Variants in MYT1L observed in about 807,000 individuals in gnomAD.
The protein encoded by MYT1L is myelin transcription factor 1-like protein.
MYT1L carries 12 observed loss-of-function variants against 126.7 expected under a neutral mutation model. The observed-to-expected ratio is 0.09, with a 90% CI of 0.06 to 0.15. MYT1L has a LOEUF of 0.15. Ranked by LOEUF, MYT1L falls within the 10% of genes least tolerant of loss-of-function variation. The probability of loss-of-function intolerance (pLI) is 1.00; values close to 1 mark genes in which losing one functional copy is unlikely to be tolerated. For missense variants in MYT1L, 979 were observed against 1,585.2 expected (o/e 0.62, Z 6.49); for synonymous variants, 541 against 604.2 (o/e 0.90, Z 1.53).
chr2:1,856,336 G>C (rs570285294), intron 18 of MYT1L, among the ~76,000 whole-genome samples: 1 of 152,164 alleles, frequency 6.6e-6, no homozygotes, highest in East Asian at 1.9e-4. Context: ...GTAAGAAGCG[G>C]CATTGACCAC....
chr2:2,196,015 A>G (rs1397332011), intron 2 of MYT1L, among the ~76,000 whole-genome samples: 1 of 152,186 alleles, frequency 6.6e-6, no homozygotes, highest in Non-Finnish European at 1.5e-5. Flanking sequence ...TTCAAACATG[A>G]TGAAAGGCAT....
At chr2:2,041,601 G>A in intron 4 of MYT1L, among the ~76,000 whole-genome samples, 1 of 152,156 alleles carries the variant, frequency 6.6e-6, no homozygotes, top group Non-Finnish European at 1.5e-5. Context: ...GTGTTTGGAG[G>A]TATCTCCCTC....
At chr2:2,027,253 CT>C (rs1331361198) in intron 4 of MYT1L, among the ~76,000 whole-genome samples, 1 of 152,146 alleles carries the variant, frequency 6.6e-6, no homozygotes, top group Non-Finnish European at 1.5e-5. Context: ...GCAGAGCACC[CT>C]CCCGGCTGGT....
intron 8 of MYT1L, among the ~76,000 whole-genome samples, chr2:1,968,121 C>G (rs1179368628): frequency 6.6e-6 from 1 of 152,140 alleles, no homozygotes; most frequent in Non-Finnish European, 1.5e-5. Context: ...CCCCAGGGCC[C>G]GCAGCTGGGC....
chr2:2,184,750 C>G (rs1473918745), intron 2 of MYT1L, among the ~76,000 whole-genome samples: 1 of 152,172 alleles, frequency 6.6e-6, no homozygotes, highest in East Asian at 1.9e-4. Flanking sequence ...AAGCTCTGTT[C>G]TCTTCCTGTG....
chr2:2,241,538 C>T lies in MYT1L; in HGVS notation c.-421+42866G>A, dbSNP rs533394377. ...GAGGCCACATGTTGCACTCCAGCCA[C>T]GTTGCTTTTATTTATAGGAACACAT... On this transcript the variant is annotated intron_variant, in intron 2 of 24. Transcript: ENST00000647738. Among the ~76,000 whole-genome samples the T allele has an allele frequency of 1.4e-4, 21 of 152,310 alleles. 1 individual carries two copies. In the South Asian group the frequency reaches 1.9e-3, roughly 14 times the overall value.
chr2:2,284,183 A>G (rs770333685), intron 2 of MYT1L, among the ~76,000 whole-genome samples: 1 of 152,216 alleles, frequency 6.6e-6, no homozygotes, highest in Non-Finnish European at 1.5e-5. Flanking sequence ...GATATAAGAA[A>G]AAGTCATAGT....
intron 4 of MYT1L, among the ~76,000 whole-genome samples, chr2:2,047,269 G>T (rs868686869): frequency 5.3e-5 from 8 of 152,064 alleles, no homozygotes; most frequent in Middle Eastern, 3.4e-3. Context: ...ATTTCACTTG[G>T]CCATATTCTA....
chr2:2,319,877 C>G lies in MYT1L; in HGVS notation c.-521+11090G>C, dbSNP rs144012298. 9.3e-4 allele frequency among the ~76,000 whole-genome samples: 142 copies of G among 152,030 alleles called. 1 individual carries two copies. Among genetic ancestry groups the G allele is most frequent in the African/African-American group, 3.3e-3 (137 of 41,448 alleles). ...CATTTGGCTCTGCACATAGTAGGTA[C>G]TCAATATATGCACATTGTATTAATT... is the stretch of plus-strand genomic sequence containing the variant. On this transcript the variant is annotated intron_variant, in intron 1 of 24. Transcript: ENST00000647738.
chr2:1,995,339 A>T (rs2061746646), intron 5 of MYT1L, among the ~76,000 whole-genome samples: 1 of 152,138 alleles, frequency 6.6e-6, no homozygotes, highest in Non-Finnish European at 1.5e-5. Context: ...AGTTCACTAG[A>T]CTGTCGTCCT....
At chr2:2,293,657 G>A (rs1197931613) in intron 1 of MYT1L, among the ~76,000 whole-genome samples, 3 of 152,314 alleles carry the variant, frequency 2.0e-5, no homozygotes, top group South Asian at 2.1e-4. Context: ...CCTTAGGTGC[G>A]CAGGGCCAAA....
intron 18 of MYT1L, 182 bp downstream of exon 18, chr2:1,886,357 T>C (rs1366723337): frequency 1.1e-5 from 5 of 436,372 alleles, no homozygotes; most frequent in South Asian, 6.1e-5. Flanking sequence ...AAAGGCAGAA[T>C]GGGTTGTGTG....
intron 3 of MYT1L, among the ~76,000 whole-genome samples, chr2:2,163,521 C>T (rs1015428989): frequency 6.0e-5 from 9 of 151,236 alleles, no homozygotes; most frequent in Non-Finnish European, 8.8e-5. Flanking sequence ...GTCAGGAGAT[C>T]GAGACCATCC....
chr2:1,955,950 A>G (rs1372527046), intron 8 of MYT1L, among the ~76,000 whole-genome samples: 1 of 152,222 alleles, frequency 6.6e-6, no homozygotes, highest in Non-Finnish European at 1.5e-5. Flanking sequence ...CTTAGGTTGT[A>G]TATTTAATAG....
rs1261779112 is a variant in MYT1L at position 1,917,157 on chromosome 2, G to C, written c.1618+48C>G. On this transcript the variant is annotated intron_variant, in intron 11 of 24. Transcript: ENST00000647738. The surrounding 1 kb of genome is among the most constrained non-coding windows in gnomAD (Gnocchi z 5.9). Reference sequence around the variant, plus strand: ...AGGTAAGAGGGATGACAGAGACAGAGTCATGGGTGTTTGCACCCCCAAGGG... The same window carrying C: ...AGGTAAGAGGGATGACAGAGACAGACTCATGGGTGTTTGCACCCCCAAGGG... The C allele has an allele frequency of 1.3e-6, 2 of 1,588,978 alleles. No homozygotes were observed. Among genetic ancestry groups the C allele is most frequent in the Admixed American group, 3.4e-5 (2 of 59,050 alleles).
Position 2,011,153 on chromosome 2 carries a change from C to T in MYT1L, c.-157-13806G>A, listed in dbSNP as rs575706081. 3.3e-5 allele frequency among the ~76,000 whole-genome samples: 5 copies of T among 152,238 alleles called. No homozygotes were observed. In the East Asian group the frequency reaches 9.7e-4, roughly 29 times the overall value. On this transcript the variant is annotated intron_variant, in intron 4 of 24. Transcript: ENST00000647738. ...CCTGTCATCCCAGCACTTTGGGATG[C>T]CAAGGCGGGTGGATCACTTGAGGTC...
chr2:1,821,257 G>A (rs765236025), intron 21 of MYT1L, among the ~76,000 whole-genome samples: 5 of 151,892 alleles, frequency 3.3e-5, no homozygotes, highest in Non-Finnish European at 5.9e-5. Flanking sequence ...CTCTACTCTC[G>A]CTACTTCTTC....
chr2:2,089,918 C>A (rs1483035370), intron 3 of MYT1L, among the ~76,000 whole-genome samples: 1 of 152,184 alleles, frequency 6.6e-6, no homozygotes, highest in African/African-American at 2.4e-5. Context: ...TCCCTGTGAA[C>A]ATAAGTGAGA....
At chr2:2,039,014 G>A (rs1258751626) in intron 4 of MYT1L, among the ~76,000 whole-genome samples, 1 of 152,144 alleles carries the variant, frequency 6.6e-6, no homozygotes, top group East Asian at 1.9e-4. Context: ...TGCCGATGAG[G>A]CACTGTCACC....
Sources: allele counts gnomAD v4.1 joint callset (sites outside exome capture counted in the v4.1 genomes callset), GRCh38; gene constraint gnomAD v4.1.1; non-coding constraint Gnocchi (gnomAD v3.1); transcripts MANE v1.5; gene names NCBI Gene and HGNC (gene_info 2026-07-23, HGNC 2026-07-21).